ZFHX3: variants seen among roughly 807,000 people sequenced by gnomAD.
ZFHX3 encodes the protein zinc finger homeobox 3, also known as zinc finger homeobox protein 3.
A neutral mutation model predicts 279.1 loss-of-function variants in ZFHX3; 42 were observed. That is an observed-to-expected ratio of 0.15 (90% CI 0.12 to 0.19). The LOEUF is 0.19. ZFHX3 is among the 10% of genes least tolerant of loss of function. The pLI, the probability that ZFHX3 is intolerant of heterozygous loss-of-function variation, is 1.00. For synonymous variants in ZFHX3, 2,293 were observed against 1,957.8 expected (o/e 1.17, Z -4.52); for missense variants, 4,981 against 4,754.0 (o/e 1.05, Z -1.40).
chr16:72,858,366 T>C (rs2037803448), intron 4 of ZFHX3, among the ~76,000 whole-genome samples: 1 of 152,208 alleles, frequency 6.6e-6, no homozygotes, highest in Admixed American at 6.5e-5. Flanking sequence ...TGTGAACACA[T>C]TACTTGGCAG....
intron 1 of ZFHX3, among the ~76,000 whole-genome samples, chr16:73,696,781 C>T (rs929328380): frequency 1.3e-5 from 2 of 152,170 alleles, no homozygotes; most frequent in Non-Finnish European, 2.9e-5. Context: ...ACTTCCATTC[C>T]ATCTGCTTGG....
At chr16:73,052,753 T>C (rs1965473745), upstream of ZFHX3, among the ~76,000 whole-genome samples, 1 of 152,114 alleles carries the variant, frequency 6.6e-6, no homozygotes, top group Non-Finnish European at 1.5e-5. Context: ...ATAGGACAAA[T>C]GTTTTTGCTT....
At chr16:73,562,890 A>C (rs2020392161) in intron 2 of ZFHX3, among the ~76,000 whole-genome samples, 1 of 152,204 alleles carries the variant, frequency 6.6e-6, no homozygotes, top group Non-Finnish European at 1.5e-5. Context: ...GTGATACTTC[A>C]GAATCCACCC....
intron 3 of ZFHX3, among the ~76,000 whole-genome samples, chr16:73,418,607 C>T (rs944023350): frequency 6.6e-6 from 1 of 152,182 alleles, no homozygotes; most frequent in African/African-American, 2.4e-5. Context: ...AACAGCTTAG[C>T]CCTGCCTTCC....
chr16:73,201,193 T>TG (rs1034757281), intron 5 of ZFHX3, among the ~76,000 whole-genome samples: 10 of 152,036 alleles, frequency 6.6e-5, no homozygotes, highest in Non-Finnish European at 8.8e-5. Flanking sequence ...CCATTGGCAA[T>TG]GGGGGGGCTC....
intron 2 of ZFHX3, among the ~76,000 whole-genome samples, chr16:73,546,252 CA>C (rs1364079877): frequency 1.3e-5 from 2 of 152,134 alleles, no homozygotes; most frequent in African/African-American, 4.8e-5. Flanking sequence ...AACAGGGCTA[CA>C]GAACCCAAAT....
chr16:72,873,105 C>G (rs6499591), intron 4 of ZFHX3, among the ~76,000 whole-genome samples: 147,850 of 152,348 alleles, frequency 0.97, 72,150 homozygotes, highest in Middle Eastern at 1. Context: ...CCACTCTCTG[C>G]TACTCACTAC....
At chr16:73,551,092 C>CTGT (rs2020197382) in intron 2 of ZFHX3, among the ~76,000 whole-genome samples, 1 of 152,210 alleles carries the variant, frequency 6.6e-6, no homozygotes, top group Non-Finnish European at 1.5e-5. Context: ...GAGATTGCTA[C>CTGT]TGTTTACTTT....
At chr16:73,479,586 C>T (rs912694169) in intron 2 of ZFHX3, among the ~76,000 whole-genome samples, 3 of 152,192 alleles carry the variant, frequency 2.0e-5, no homozygotes, top group Admixed American at 6.5e-5. Flanking sequence ...CCTGTTAACA[C>T]GCCTGCCTCC....
intron 2 of ZFHX3, among the ~76,000 whole-genome samples, chr16:73,491,902 G>A (rs2019062125): frequency 6.6e-6 from 1 of 152,104 alleles, no homozygotes; most frequent in South Asian, 2.1e-4. Flanking sequence ...GTCAATGTTG[G>A]TGAAGCTAAG....
chr16:73,791,433 T>A (rs915248155), intron 1 of ZFHX3, among the ~76,000 whole-genome samples: 1 of 152,124 alleles, frequency 6.6e-6, no homozygotes, highest in Non-Finnish European at 1.5e-5. Flanking sequence ...TTTCATTTTT[T>A]AATTTTTTTT....
intron 1 of ZFHX3, among the ~76,000 whole-genome samples, chr16:73,009,009 G>A (rs1963816833): frequency 6.6e-6 from 1 of 151,866 alleles, no homozygotes; most frequent in South Asian, 2.1e-4. Context: ...TAAATGTCAG[G>A]AACATGAAGC....
intron 8 of ZFHX3, among the ~76,000 whole-genome samples, chr16:73,071,360 G>A (rs1418538424): frequency 2.0e-5 from 3 of 151,994 alleles, no homozygotes; most frequent in African/African-American, 7.3e-5. Flanking sequence ...AGGCTCCCCT[G>A]CCTTCCCCAC....
intron 1 of ZFHX3, among the ~76,000 whole-genome samples, chr16:73,763,121 A>G (rs1237546438): frequency 2.0e-5 from 3 of 152,308 alleles, no homozygotes; most frequent in East Asian, 1.9e-4. Context: ...GAAAATTAAG[A>G]TGTTACGAAA....
At chr16:73,625,140 G>C (rs1414090259) in intron 2 of ZFHX3, among the ~76,000 whole-genome samples, 1 of 152,202 alleles carries the variant, frequency 6.6e-6, no homozygotes, top group African/African-American at 2.4e-5. Context: ...AACTGTGCAA[G>C]AAACATACCA....
chr16:73,846,542 C>A (rs763526307), intron 1 of ZFHX3, among the ~76,000 whole-genome samples: 3 of 152,124 alleles, frequency 2.0e-5, no homozygotes, highest in African/African-American at 7.2e-5. Flanking sequence ...AGAGGCTTTG[C>A]GAGTGGCCCT....
chr16:73,760,683 T>C (rs556967523), intron 1 of ZFHX3, among the ~76,000 whole-genome samples: 56 of 152,278 alleles, frequency 3.7e-4, no homozygotes, highest in African/African-American at 1.3e-3. Flanking sequence ...TGCAAATCAA[T>C]AAATGTAATT....
chr16:73,867,451 C>T (rs1394618932), intron 1 of ZFHX3, among the ~76,000 whole-genome samples: 1 of 152,146 alleles, frequency 6.6e-6, no homozygotes, highest in Non-Finnish European at 1.5e-5. Flanking sequence ...ACGGGAACCA[C>T]AAAAGGACCA....
chr16:73,001,962 T>C (rs921308447), intron 1 of ZFHX3, among the ~76,000 whole-genome samples: 19 of 152,230 alleles, frequency 1.2e-4, no homozygotes, highest in East Asian at 1.9e-4. Flanking sequence ...TTCCGGTCCA[T>C]AGACCAGAAA....
Sources: gnomAD v4.1 joint callset for allele counts (sites outside exome capture counted in the v4.1 genomes callset) on GRCh38, gnomAD v4.1.1 for gene constraint, MANE v1.5 for transcripts, NCBI Gene and HGNC (gene_info 2026-07-23, HGNC 2026-07-21) for gene names.